Variants in RNF182 observed in about 807,000 individuals in gnomAD.
RNF182 encodes the protein ring finger protein 182, also known as E3 ubiquitin-protein ligase RNF182.
Under a neutral mutation model 14.4 loss-of-function variants are expected in RNF182, and 15 were observed. The observed-to-expected ratio is 1.04, with a 90% CI of 0.70 to 1.60. RNF182 has a LOEUF of 1.60. Among genes scored for constraint, RNF182 ranks in the 40% most tolerant of loss-of-function variants. The pLI is 0.00. For missense variants in RNF182, 268 were observed against 294.8 expected (o/e 0.91, Z 0.67); for synonymous variants, 128 against 122.9 (o/e 1.04, Z -0.27).
At chr6:13,965,304 G>C (rs943799142) in intron 1 of RNF182, among the ~76,000 whole-genome samples, 1 of 151,898 alleles carries the variant, frequency 6.6e-6, no homozygotes, top group Non-Finnish European at 1.5e-5. Context: ...AAAATATAAA[G>C]GAATGGAAAC....
chr6:13,958,902 T>C (rs1387095671), intron 1 of RNF182, among the ~76,000 whole-genome samples: 2 of 152,322 alleles, frequency 1.3e-5, no homozygotes, highest in South Asian at 4.1e-4. Context: ...ATTAATGCTC[T>C]TCTTTGGGGG....
chr6:13,952,417 G>A (rs1759617924), intron 1 of RNF182, among the ~76,000 whole-genome samples: 1 of 152,074 alleles, frequency 6.6e-6, no homozygotes, highest in African/African-American at 2.4e-5. Flanking sequence ...ATCCCATAGT[G>A]TCAAATCCAT....
At chr6:13,934,656 G>A (rs898523981) in intron 1 of RNF182, among the ~76,000 whole-genome samples, 4 of 152,174 alleles carry the variant, frequency 2.6e-5, no homozygotes, top group East Asian at 1.9e-4. Flanking sequence ...TGTGATCCAC[G>A]CATGAGCTCT....
At chr6:13,942,819 C>CCT (rs1486110020) in intron 1 of RNF182, among the ~76,000 whole-genome samples, 1 of 152,108 alleles carries the variant, frequency 6.6e-6, no homozygotes, top group East Asian at 1.9e-4. Context: ...AGTTTGGAAA[C>CCT]TTTCTAATGA....
At chr6:13,926,227 A>T (rs1758822477) in intron 1 of RNF182, among the ~76,000 whole-genome samples, 1 of 152,224 alleles carries the variant, frequency 6.6e-6, no homozygotes, top group Non-Finnish European at 1.5e-5. Flanking sequence ...GAATGCAAGA[A>T]ATTATATTTT....
intron 1 of RNF182, among the ~76,000 whole-genome samples, chr6:13,935,812 T>C (rs1759095271): frequency 6.6e-6 from 1 of 152,242 alleles, no homozygotes; most frequent in Admixed American, 6.5e-5. Context: ...CTTATTATAA[T>C]GGGGCATTAG....
intron 2 of RNF182, among the ~76,000 whole-genome samples, chr6:13,976,452 G>A (rs1038891006): frequency 6.6e-6 from 1 of 152,144 alleles, no homozygotes; most frequent in African/African-American, 2.4e-5. Flanking sequence ...TTTAACATTT[G>A]TCCTTAATAT....
chr6:13,933,473 A>G (rs192271638), intron 1 of RNF182, among the ~76,000 whole-genome samples: 4 of 152,110 alleles, frequency 2.6e-5, no homozygotes, highest in African/African-American at 4.8e-5. Flanking sequence ...TCCATGAGCC[A>G]TGATTATTCC....
chr6:13,950,498 C>CT (rs34765708), intron 1 of RNF182, among the ~76,000 whole-genome samples: 2,247 of 121,896 alleles, frequency 0.018, 137 homozygotes, highest in African/African-American at 0.054. Context: ...AAAACAGGTA[C>CT]TTTTTTTTTT....
chr6:13,944,837 T>C (rs1003253801), intron 1 of RNF182, among the ~76,000 whole-genome samples: 2 of 152,212 alleles, frequency 1.3e-5, no homozygotes, highest in African/African-American at 4.8e-5. Context: ...AACCCAGATG[T>C]TTTTGACTTC....
rs528284492 is a variant in RNF182 at position 13,977,545 on chromosome 6, G to A, written c.426G>A (p.Pro142=). Residue 142 remains proline, a synonymous_variant, in exon 3 of 3, where the codon CCG becomes CCA. Transcript: ENST00000488300. The part of the protein sequence containing the change: ...TIMEVQRESS[P]SLSSTPVVEF... Reference sequence around the variant, plus strand: ...TGGAGGTGCAGAGAGAGAGCTCCCCGTCCCTGAGCTCCACTCCTGTGGTAG... The same window carrying A: ...TGGAGGTGCAGAGAGAGAGCTCCCCATCCCTGAGCTCCACTCCTGTGGTAG... 61 of 1,614,124 alleles carry A rather than the reference G, an allele frequency of 3.8e-5. No homozygotes were observed. The East Asian group carries it at 5.8e-4, about 15-fold the overall frequency.
intron 1 of RNF182, among the ~76,000 whole-genome samples, chr6:13,951,244 C>G (rs1759583629): frequency 6.6e-6 from 1 of 152,174 alleles, no homozygotes; most frequent in Admixed American, 6.5e-5. Flanking sequence ...AACTGGATTA[C>G]TGGCTTCAGG....
At chr6:13,970,130 T>A (rs1223184673) in intron 1 of RNF182, among the ~76,000 whole-genome samples, 3 of 152,234 alleles carry the variant, frequency 2.0e-5, no homozygotes, top group South Asian at 2.1e-4. Flanking sequence ...TCACCTTAAC[T>A]GTTTATTATT....
At chr6:13,938,004 G>GTTTTT (rs70989897) in intron 1 of RNF182, among the ~76,000 whole-genome samples, 46 of 79,598 alleles carry the variant, frequency 5.8e-4, no homozygotes, top group East Asian at 1.2e-3. Context: ...TTTTCTTACT[G>GTTTTT]TTTTTTTTTT....
chr6:13,964,917 A>G lies in RNF182; in HGVS notation c.-366-9293A>G, dbSNP rs1253327410. 2.0e-5 allele frequency among the ~76,000 whole-genome samples: 3 copies of G among 152,218 alleles called. No individual in the cohort carries two copies. In the East Asian group the frequency reaches 5.8e-4, roughly 29 times the overall value. ...ACCTGCTGTCACACTGCTAGATCAC[A>G]GGAGAAGAGACCATTGTGTTTCACC... is the stretch of plus-strand genomic sequence containing the variant. On this transcript the variant is annotated intron_variant, in intron 1 of 2. Transcript: ENST00000488300.
At chr6:13,931,841 G>A (rs1758980518) in intron 1 of RNF182, among the ~76,000 whole-genome samples, 1 of 152,074 alleles carries the variant, frequency 6.6e-6, no homozygotes, top group East Asian at 1.9e-4. Flanking sequence ...AACTCCCAAG[G>A]TGATGGTATT....
chr6:13,933,560 G>T (rs571810804), intron 1 of RNF182, among the ~76,000 whole-genome samples: 5 of 151,908 alleles, frequency 3.3e-5, no homozygotes, highest in African/African-American at 1.2e-4. Context: ...TTTAGTAGTA[G>T]ATTTTATTTA....
chr6:13,939,328 A>G (rs1759225694), intron 1 of RNF182, among the ~76,000 whole-genome samples: 1 of 152,018 alleles, frequency 6.6e-6, no homozygotes, highest in South Asian at 2.1e-4. Flanking sequence ...GAGTCTTCTA[A>G]TCAATGAACA....
At chr6:13,948,979 A>G in intron 1 of RNF182, 1 of 381,790 alleles carries the variant, frequency 2.6e-6, no homozygotes, top group African/African-American at 2.0e-5. Context: ...TTAATGTCAA[A>G]TCCAATTTTT....
Sources: allele counts gnomAD v4.1 joint callset (sites outside exome capture counted in the v4.1 genomes callset), GRCh38; gene constraint gnomAD v4.1.1; transcripts MANE v1.5; gene names NCBI Gene and HGNC (gene_info 2026-07-23, HGNC 2026-07-21).